Variants in USP42 observed in about 807,000 individuals in gnomAD.
USP42 encodes the protein ubiquitin carboxyl-terminal hydrolase 42.
A neutral mutation model predicts 113.0 loss-of-function variants in USP42; 23 were observed. The ratio of observed to expected loss-of-function variants is 0.20; its 90% CI spans 0.15 to 0.29. USP42 has a LOEUF of 0.29. Ranked by LOEUF, USP42 falls within the 10% of genes least tolerant of loss-of-function variation. USP42 has a pLI of 1.00. For missense variants in USP42, 2,174 were observed against 1,779.8 expected (o/e 1.22, Z -3.99); for synonymous variants, 933 against 699.0 (o/e 1.33, Z -5.28).
intron 3 of USP42, among the ~76,000 whole-genome samples, chr7:6,129,304 C>G (rs1780710697): frequency 6.6e-6 from 1 of 152,054 alleles, no homozygotes. Flanking sequence ...GCCTGTAATC[C>G]CAGCATTTTG....
chr7:6,147,819 G>A lies in USP42; in HGVS notation c.1313G>A (p.Ser438Asn), dbSNP rs373991514. The stretch of plus-strand genomic sequence containing the variant: ...CAGTCCTCTCCCCGCCCCGTCATCA[G>A]TCAGCGGGTTGTCACCAACAAACAG... ...PGQSSPRPVISQRVVTNKQAA... is the reference protein window; with the variant it reads ...PGQSSPRPVINQRVVTNKQAA... Residue 438 changes from serine (S) to asparagine (N), a missense_variant, in exon 12 of 18, where the codon AGT (serine) becomes AAT (asparagine). By Grantham distance (46) the Ser-to-Asn change is conservative. Coordinates refer to ENST00000306177, the MANE Select transcript of USP42 (RefSeq NM_032172.3). 4.4e-5 allele frequency: 71 copies of A among 1,613,588 alleles called. No homozygotes were observed. The highest frequency in any genetic ancestry group is 8.3e-5 in the Admixed American group (5 of 59,958).
chr7:6,136,005 T>A, intron 4 of USP42, 54 bp downstream of exon 4: 1 of 851,712 alleles, frequency 1.2e-6, no homozygotes, highest in Non-Finnish European at 1.6e-6. Flanking sequence ...AGTTATACTT[T>A]TTTTTTTTTT....
intron 14 of USP42, among the ~76,000 whole-genome samples, chr7:6,151,849 C>G (rs1007669103): frequency 6.6e-6 from 1 of 152,178 alleles, no homozygotes; most frequent in Admixed American, 6.5e-5. Flanking sequence ...CATCACCACA[C>G]TCACGAGGCA....
At chr7:6,143,370 C>T (rs892302100) in intron 8 of USP42, among the ~76,000 whole-genome samples, 1 of 152,122 alleles carries the variant, frequency 6.6e-6, no homozygotes, top group African/African-American at 2.4e-5. Context: ...GATAAGAGGG[C>T]TGCCGTCGGG....
Position 6,118,728 on chromosome 7 carries a change from G to T in USP42, c.442+3205G>T, listed in dbSNP as rs542383589. 6.2e-4 allele frequency among the ~76,000 whole-genome samples: 94 copies of T among 152,100 alleles called. 2 individuals carry two copies. The highest frequency in any genetic ancestry group is 3.3e-3 in the Admixed American group (50 of 15,256). On this transcript the variant is annotated intron_variant, in intron 3 of 17. Coordinates refer to ENST00000306177, the MANE Select transcript of USP42 (RefSeq NM_032172.3). Reference sequence around the variant, plus strand: ...ATGTTCGGTTGTTCTAGCACCATTTGTTGGAAACATAATCCTTTTGTCACT... The same window carrying T: ...ATGTTCGGTTGTTCTAGCACCATTTTTTGGAAACATAATCCTTTTGTCACT...
intron 3 of USP42, among the ~76,000 whole-genome samples, chr7:6,118,229 A>G (rs1439196875): frequency 6.6e-6 from 1 of 152,086 alleles, no homozygotes; most frequent in African/African-American, 2.4e-5. Context: ...ACTCATCTCT[A>G]TATATAAAAA....
chr7:6,116,687 AACTT>A, intron 3 of USP42: 2 of 478,714 alleles, frequency 4.2e-6, no homozygotes, highest in East Asian at 1.2e-4. Flanking sequence ...AGTACAGAAA[AACTT>A]AAAGAAACCA....
At chr7:6,128,598 G>A (rs1780669355) in intron 3 of USP42, among the ~76,000 whole-genome samples, 2 of 152,094 alleles carry the variant, frequency 1.3e-5, no homozygotes, top group Non-Finnish European at 1.5e-5. Context: ...TTAACTCTCT[G>A]CTGCTCTAGG....
In USP42 at chr7:6,155,055, G is replaced by C. The variant is rs1364219796; in HGVS notation, c.3501G>C (p.Val1167=). ...CCCGGAAACGGAGACACGACAGTGT[G>C]GAGAACAGTGACAGTCATGTTGAAA... ...GKSRKRRHDS[V]ENSDSHVEKK... Residue 1167 remains valine, a synonymous_variant, in exon 15 of 18, where the codon GTG becomes GTC. Transcript: ENST00000306177. The C allele has an allele frequency of 6.4e-7, 1 of 1,563,220 alleles. No individual in the cohort carries two copies. The highest frequency in any genetic ancestry group is 2.4e-5 in the East Asian group (1 of 41,746).
At chr7:6,097,664 C>T in the USP42 span, among the ~76,000 whole-genome samples, 1 of 150,220 alleles carries the variant, frequency 6.7e-6, no homozygotes, top group African/African-American at 2.5e-5. Context: ...AATCTCAGCT[C>T]ACTGCAAACT....
At chr7:6,092,180 T>C in the USP42 span, among the ~76,000 whole-genome samples, 9 of 57,156 alleles carry the variant, frequency 1.6e-4, no homozygotes, top group South Asian at 1.3e-3. Context: ...CTTCTTCTCT[T>C]TTTTTTTTTT....
intron 6 of USP42, among the ~76,000 whole-genome samples, chr7:6,140,645 G>C (rs1432274101): frequency 6.6e-6 from 1 of 152,192 alleles, no homozygotes; most frequent in Admixed American, 6.5e-5. Flanking sequence ...ATCACAGGGA[G>C]TGTGTATTGT....
upstream of USP42, among the ~76,000 whole-genome samples, chr7:6,103,738 C>CAAAAAA (rs398066574): frequency 3.0e-5 from 3 of 100,876 alleles, no homozygotes; most frequent in East Asian, 6.1e-4. Context: ...CCCGTCTCTA[C>CAAAAAA]AAAAAAAAAA....
the USP42 span, among the ~76,000 whole-genome samples, chr7:6,082,776 A>G: frequency 2.0e-5 from 3 of 148,846 alleles, no homozygotes; most frequent in African/African-American, 7.6e-5. Flanking sequence ...ACACCTGGCT[A>G]ATGTTTTGTA....
chr7:6,134,114 A>G (rs1444338684), intron 3 of USP42, among the ~76,000 whole-genome samples: 1 of 151,904 alleles, frequency 6.6e-6, no homozygotes, highest in Non-Finnish European at 1.5e-5. Context: ...GATCGTCTCG[A>G]TCTCCTGACC....
chr7:6,119,422 T>C (rs530901597), intron 3 of USP42, among the ~76,000 whole-genome samples: 1 of 152,222 alleles, frequency 6.6e-6, no homozygotes, highest in Admixed American at 6.5e-5. Context: ...AGTGAGCCAT[T>C]ATTGTGCAGG....
chr7:6,130,200 T>G (rs1450416125), intron 3 of USP42, among the ~76,000 whole-genome samples: 2 of 152,208 alleles, frequency 1.3e-5, no homozygotes, highest in Non-Finnish European at 2.9e-5. Flanking sequence ...ATCTAACCTT[T>G]GTTTTAGCCA....
rs897947388 is a variant in USP42 at position 6,120,747 on chromosome 7, C to T, written c.442+5224C>T. ...TACAGGTGCCCACCATCATGCCCGG[C>T]TAATTTTTGTATTTTTAGTAGAGAT... On this transcript the variant is annotated intron_variant, in intron 3 of 17. Transcript: ENST00000306177. Among the ~76,000 whole-genome samples the T allele has an allele frequency of 5.3e-5, 8 of 151,838 alleles. No homozygotes were observed. In the East Asian group the frequency reaches 1.6e-3, roughly 30 times the overall value.
intron 3 of USP42, among the ~76,000 whole-genome samples, chr7:6,125,183 C>CA (rs56776147): frequency 0.058 from 2,257 of 38,726 alleles, 29 homozygotes; most frequent in African/African-American, 0.087. Context: ...TCTGTCTCAA[C>CA]AAAAAAAAAA....
Sources: allele counts gnomAD v4.1 joint callset (sites outside exome capture counted in the v4.1 genomes callset), GRCh38; gene constraint gnomAD v4.1.1; transcripts MANE v1.5; gene names NCBI Gene and HGNC (gene_info 2026-07-23, HGNC 2026-07-21).